Variants in FAM178B observed in about 807,000 individuals in gnomAD.
FAM178B encodes family with sequence similarity 178 member B.
Under a neutral mutation model 91.7 loss-of-function variants are expected in FAM178B, and 82 were observed. The ratio of observed to expected loss-of-function variants is 0.89; its 90% CI spans 0.75 to 1.07. The LOEUF (loss-of-function observed/expected upper bound fraction) is 1.07, where lower values mean the gene tolerates loss of function less well. Ranked by LOEUF, FAM178B falls within the 50% of genes least tolerant of loss-of-function variation. FAM178B has a pLI of 0.00. For synonymous variants in FAM178B, 368 were observed against 359.4 expected (o/e 1.02, Z -0.27); for missense variants, 769 against 846.7 (o/e 0.91, Z 1.14).
At chr2:96,898,527 G>A (rs568039735) in intron 13 of FAM178B, among the ~76,000 whole-genome samples, 9 of 152,286 alleles carry the variant, frequency 5.9e-5, no homozygotes, top group South Asian at 2.1e-4. Flanking sequence ...GGTGGTGCAC[G>A]CCCATAGTCC....
At chr2:96,944,187 G>A (rs2081781730) in intron 8 of FAM178B, among the ~76,000 whole-genome samples, 1 of 150,384 alleles carries the variant, frequency 6.6e-6, no homozygotes, top group Non-Finnish European at 1.5e-5. Flanking sequence ...GCTTGCAGTG[G>A]GCCGAGATTG....
At chr2:96,981,068 T>G (rs1374922665) in intron 1 of FAM178B, among the ~76,000 whole-genome samples, 1 of 152,090 alleles carries the variant, frequency 6.6e-6, no homozygotes, top group Non-Finnish European at 1.5e-5. Context: ...CGGGTCCAAG[T>G]GATTCTCCTG....
At chr2:96,967,710 C>A (rs2082161720) in intron 4 of FAM178B, 83 bp from the exon 5 acceptor site, 1 of 945,376 alleles carries the variant, frequency 1.1e-6, no homozygotes. Flanking sequence ...GGTGTTGCCA[C>A]CAACACAGCA....
chr2:96,877,846 C>T (rs1350938642), intron 16 of FAM178B, 44 bp downstream of exon 16: 1 of 1,590,450 alleles, frequency 6.3e-7, no homozygotes, highest in South Asian at 1.1e-5. Context: ...CCTGCCTGAC[C>T]ACTTCCCGCC....
At chr2:96,899,821 A>G (rs571304660) in intron 13 of FAM178B, among the ~76,000 whole-genome samples, 1 of 148,898 alleles carries the variant, frequency 6.7e-6, no homozygotes, top group African/African-American at 2.5e-5. Flanking sequence ...CAGGCCAGAG[A>G]CACTGCCTCC....
intron 12 of FAM178B, among the ~76,000 whole-genome samples, chr2:96,915,283 T>C (rs2081223490): frequency 6.6e-6 from 1 of 151,658 alleles, no homozygotes; most frequent in African/African-American, 2.4e-5. Flanking sequence ...CTAATTTTTT[T>C]TTTTTTCTAT....
chr2:96,965,953 G>A (rs576242674), intron 5 of FAM178B, among the ~76,000 whole-genome samples: 12 of 151,928 alleles, frequency 7.9e-5, no homozygotes, highest in East Asian at 1.9e-4. Context: ...CTCAAGCACC[G>A]TCATTACTTT....
At chr2:96,890,286 C>G (rs2080640186) in intron 14 of FAM178B, among the ~76,000 whole-genome samples, 1 of 151,476 alleles carries the variant, frequency 6.6e-6, no homozygotes, top group Non-Finnish European at 1.5e-5. Flanking sequence ...CTCAATCAAT[C>G]AATCAATCAA....
chr2:96,941,707 T>C (rs1300753883), intron 8 of FAM178B, among the ~76,000 whole-genome samples: 1 of 152,186 alleles, frequency 6.6e-6, no homozygotes, highest in African/African-American at 2.4e-5. Flanking sequence ...ACACAAATAT[T>C]ATAGAAGCCA....
chr2:96,976,821 C>T lies in FAM178B; in HGVS notation c.74-4215G>A, dbSNP rs193267543. Among the ~76,000 whole-genome samples the T allele has an allele frequency of 9.2e-5, 14 of 151,662 alleles. No individual in the cohort carries two copies. The East Asian group carries it at 2.7e-3, about 30-fold the overall frequency. ...TAAGATCATGCCACTGCACTCTGGCCTGGACAACAAAGGGAGACTCATTTT... is the reference window on the plus strand; with the variant it reads ...TAAGATCATGCCACTGCACTCTGGCTTGGACAACAAAGGGAGACTCATTTT... On this transcript the variant is annotated intron_variant, in intron 1 of 16. Transcript: ENST00000490605.
At chr2:96,972,380 C>T in intron 2 of FAM178B, 58 bp from the exon 3 acceptor site, 1 of 1,471,362 alleles carries the variant, frequency 6.8e-7, no homozygotes, top group Middle Eastern at 1.9e-4. Context: ...TCCCAGACGT[C>T]AAGCCACACT....
chr2:96,951,037 G>A (rs1041351226), intron 7 of FAM178B, among the ~76,000 whole-genome samples: 13 of 152,268 alleles, frequency 8.5e-5, no homozygotes, highest in South Asian at 2.1e-4. Flanking sequence ...TCACTGAGAG[G>A]TTAGACCGTA....
At chr2:96,892,336 G>A (rs1047087945) in intron 14 of FAM178B, among the ~76,000 whole-genome samples, 8 of 152,134 alleles carry the variant, frequency 5.3e-5, no homozygotes, top group African/African-American at 1.9e-4. Flanking sequence ...GTGGTCTCGG[G>A]CTGCAGTGAA....
intron 1 of FAM178B, among the ~76,000 whole-genome samples, chr2:96,979,266 C>A (rs1574328312): frequency 7.0e-6 from 1 of 141,954 alleles, no homozygotes; most frequent in Non-Finnish European, 1.5e-5. Flanking sequence ...TGAGCCACTG[C>A]GCCCAGGCAT....
At chr2:96,952,297 C>T (rs545550984) in intron 6 of FAM178B, among the ~76,000 whole-genome samples, 59 of 152,238 alleles carry the variant, frequency 3.9e-4, no homozygotes, top group African/African-American at 9.6e-4. Flanking sequence ...GAAAGGGGCC[C>T]GGGATGAAGA....
chr2:96,945,619 T>G (rs775705079), intron 8 of FAM178B, among the ~76,000 whole-genome samples: 1 of 152,230 alleles, frequency 6.6e-6, no homozygotes. Context: ...CTGAGCTCTG[T>G]GCCCCAGAGG....
intron 8 of FAM178B, among the ~76,000 whole-genome samples, chr2:96,938,346 AG>A (rs1169162704): frequency 6.6e-6 from 1 of 152,196 alleles, no homozygotes; most frequent in Non-Finnish European, 1.5e-5. Context: ...CCCCTTGTAT[AG>A]GTGGTGGAAT....
chr2:96,925,538 C>G (rs1328734224), intron 9 of FAM178B, among the ~76,000 whole-genome samples: 1 of 152,254 alleles, frequency 6.6e-6, no homozygotes, highest in Admixed American at 6.5e-5. Flanking sequence ...CTGCTGCCAG[C>G]AAGGGGCCAC....
intron 5 of FAM178B, among the ~76,000 whole-genome samples, chr2:96,964,479 C>T (rs1177874936): frequency 1.3e-5 from 2 of 152,230 alleles, no homozygotes; most frequent in East Asian, 1.9e-4. Context: ...GCAGAGGAGA[C>T]GGGGTGTATT....
Sources: allele counts gnomAD v4.1 joint callset (sites outside exome capture counted in the v4.1 genomes callset), GRCh38; gene constraint gnomAD v4.1.1; transcripts MANE v1.5; gene names NCBI Gene and HGNC (gene_info 2026-07-23, HGNC 2026-07-21).